VPS4A: variants seen among roughly 807,000 people sequenced by gnomAD.
The protein encoded by VPS4A is vacuolar protein sorting 4 homolog A.
Under a neutral mutation model 52.3 loss-of-function variants are expected in VPS4A, and 20 were observed. The observed-to-expected ratio is 0.38, with a 90% CI of 0.27 to 0.56. VPS4A has a LOEUF of 0.56. VPS4A is among the 20% of genes least tolerant of loss of function. The pLI is 0.72. For synonymous variants in VPS4A, 293 were observed against 227.7 expected, an observed-to-expected ratio of 1.29 and a Z score of -2.58; for missense variants, 419 against 575.9, an observed-to-expected ratio of 0.73 and a Z score of 2.79.
At position 69,316,214 on chromosome 16, in the gene VPS4A, C is replaced by T. The variant is rs1470152463; in HGVS notation, c.134-11C>T. ...AGCCTCACAGGGGCCCCTCTGTGTTCCCTTTCACAGATGAGGCCCACAGCG... is the reference window on the plus strand; with the variant it reads ...AGCCTCACAGGGGCCCCTCTGTGTTTCCTTTCACAGATGAGGCCCACAGCG... On this transcript the variant is annotated splice_polypyrimidine_tract_variant and intron_variant, in intron 2 of 10. Transcript: ENST00000254950. The T allele has an allele frequency of 7.4e-6, 12 of 1,613,216 alleles. No individual in the cohort carries two copies. Among genetic ancestry groups the T allele is most frequent in the Non-Finnish European group, 1.0e-5 (12 of 1,179,802 alleles).
rs140102412 is a variant in VPS4A, at chr16:69,315,887, C to T, written c.22-121C>T. On this transcript the variant is annotated intron_variant, in intron 1 of 10. Transcript: ENST00000254950. ...GAAAAAGTAGGCCAATGAAATGGCC[C>T]GCAAGCAATAAATCCACAGGCCCAG... The T allele has an allele frequency of 3.6e-4, 286 of 804,756 alleles. No homozygotes were observed. The African/African-American group carries it at 4.0e-3, about 11-fold the overall frequency. 49.9% of individuals were successfully genotyped at this position (804,756 alleles called of 1,614,324 possible). A position where few individuals can be genotyped will look rare whatever the true frequency, so the allele number is the denominator to read the frequency against.
rs746250461 is a variant in VPS4A, at chr16:69,316,238, C to T, written c.147C>T (p.Ser49=). 6.8e-6 allele frequency: 11 copies of T among 1,613,532 alleles called. No homozygotes were observed. Among genetic ancestry groups the T allele is most frequent in the South Asian group, 1.1e-5 (1 of 91,076 alleles). ...FLHAIKYEAH[S]DKAKESIRAK... is the part of the protein sequence containing the mutation. ...TCCCTTTCACAGATGAGGCCCACAG[C>T]GACAAGGCCAAGGAGAGCATTCGAG... Residue 49 remains serine (S), a synonymous_variant, in exon 3 of 11, where the codon AGC becomes AGT. Transcript: ENST00000254950.
In VPS4A at chr16:69,321,087, A is replaced by G; in HGVS notation, c.888A>G (p.Glu296=). The change falls in exon 9 of 11, where the codon GAA becomes GAG. Residue 296 remains glutamate (E), a synonymous_variant. Coordinates refer to ENST00000254950, the MANE Select transcript of VPS4A (RefSeq NM_013245.3). This position sits in a 1 kb window ranked among gnomAD's most constrained non-coding sequence, Gnocchi z 4.5. The part of the protein sequence containing the change: ...EKRIYIPLPE[E]AARAQMFRLH... Reference sequence around the variant, plus strand: ...GAATTTATATCCCCTTGCCGGAGGAAGCTGCCCGCGCCCAGATGTTCCGGT... The same window carrying G: ...GAATTTATATCCCCTTGCCGGAGGAGGCTGCCCGCGCCCAGATGTTCCGGT... 1.3e-6 allele frequency: 2 copies of G among 1,595,770 alleles called. No homozygotes were observed. Among genetic ancestry groups the G allele is most frequent in the South Asian group, 2.3e-5 (2 of 87,518 alleles).
chr16:69,311,966 C>T (rs1021224446), intron 1 of VPS4A, among the ~76,000 whole-genome samples: 3 of 152,246 alleles, frequency 2.0e-5, no homozygotes, highest in Non-Finnish European at 4.4e-5. Context: ...AGCCCCGGCC[C>T]CTTCCCCAAT....
rs117484572 is a variant in VPS4A at position 69,314,127 on chromosome 16, G to A, written c.22-1881G>A. 1.5e-4 allele frequency among the ~76,000 whole-genome samples: 23 copies of A among 151,346 alleles called. No individual in the cohort carries two copies. The East Asian group carries it at 3.1e-3, about 21-fold the overall frequency. On this transcript the variant is annotated intron_variant, in intron 1 of 10. Transcript: ENST00000254950. ...ACTACAGGCACGCGTCACCACACCC[G>A]GCTAACTTTTTGTATTTTTAGTAGA...
Position 69,316,215 on chromosome 16 carries a change from C to T in VPS4A, c.134-10C>T, listed in dbSNP as rs1160254501. Reference sequence around the variant, plus strand: ...GCCTCACAGGGGCCCCTCTGTGTTCCCTTTCACAGATGAGGCCCACAGCGA... The same window carrying T: ...GCCTCACAGGGGCCCCTCTGTGTTCTCTTTCACAGATGAGGCCCACAGCGA... On this transcript the variant is annotated splice_polypyrimidine_tract_variant and intron_variant, in intron 2 of 10. Transcript: ENST00000254950. The T allele has an allele frequency of 7.4e-6, 12 of 1,613,272 alleles. No individual in the cohort carries two copies. The highest frequency in any genetic ancestry group is 1.0e-5 in the Non-Finnish European group (12 of 1,179,818).
intron 5 of VPS4A, 47 bp downstream of exon 5, chr16:69,318,989 C>T: frequency 6.3e-7 from 1 of 1,597,056 alleles, no homozygotes. Flanking sequence ...TTCCAGGCTT[C>T]CGCAGGGCTG....
At position 69,324,646 on chromosome 16, in the gene VPS4A, C is replaced by G. The variant is rs1001700872; in HGVS notation, c.*337C>G. 3.8e-6 allele frequency: 1 copy of G among 263,894 alleles called. No homozygotes were observed. The highest frequency in any genetic ancestry group is 4.8e-5 in the South Asian group (1 of 20,786). 16.3% of individuals were successfully genotyped at this position (263,894 alleles called of 1,614,324 possible). ...CATCTTATTTATAAAGATAAAATCA[C>G]CTGGAAGTGTCAAGGAGTGGGGCGG... On this transcript the variant is annotated 3_prime_UTR_variant, in exon 11 of 11. Coordinates refer to ENST00000254950, the MANE Select transcript of VPS4A (RefSeq NM_013245.3).
At position 69,319,419 on chromosome 16, in the gene VPS4A, T is replaced by C; in HGVS notation, c.496T>C (p.Phe166Leu). The C allele has an allele frequency of 6.2e-7, 1 of 1,614,036 alleles. No individual in the cohort carries two copies. Among genetic ancestry groups the C allele is most frequent in the Non-Finnish European group, 8.5e-7 (1 of 1,179,890 alleles). ...KRTPWRGILL[F>L]GPPGTGKSYL... is the part of the protein sequence containing the mutation. ...CACCCCCTGGCGGGGGATTCTGCTGTTCGGACCCCCTGGCACAGGGAAATC... is the reference window on the plus strand; with the variant it reads ...CACCCCCTGGCGGGGGATTCTGCTGCTCGGACCCCCTGGCACAGGGAAATC... Residue 166 changes from phenylalanine (F) to leucine (L), a missense_variant, in exon 6 of 11, where the codon TTC becomes CTC. By Grantham distance (22) the Phe-to-Leu change is conservative (BLOSUM62 0). Around this residue, in one of 3 missense-constraint regions of VPS4A, gnomAD observed 103 missense variants for 210.3 expected, o/e 0.49. Coordinates refer to ENST00000254950, the MANE Select transcript of VPS4A (RefSeq NM_013245.3).
chr16:69,315,886 C>G, intron 1 of VPS4A, 122 bp from the exon 2 acceptor site: 1 of 795,526 alleles, frequency 1.3e-6, no homozygotes, highest in Non-Finnish European at 2.0e-6. Context: ...ATGAAATGGC[C>G]CGCAAGCAAT....
rs1459619632 is a variant in VPS4A at position 69,315,091 on chromosome 16, G to A, written c.22-917G>A. ...TGCACTAAAAATACAAAAATTAGCC[G>A]GATGTAGTGGTGGGCATCTATCACT... On this transcript the variant is annotated intron_variant, in intron 1 of 10. Coordinates refer to ENST00000254950, the MANE Select transcript of VPS4A (RefSeq NM_013245.3). Among the ~76,000 whole-genome samples, 7 of 152,122 alleles carry A rather than the reference G, an allele frequency of 4.6e-5. No individual in the cohort carries two copies. The East Asian group carries it at 7.7e-4, about 17-fold the overall frequency.
chr16:69,311,454 G>A lies in VPS4A; in HGVS notation c.-58G>A. On this transcript the variant is annotated 5_prime_UTR_variant, in exon 1 of 11. Transcript: ENST00000254950. ...CCGGACCCAGTACCTCGGCTCCCCG[G>A]GGCCGGACCGAGGCCGCAAGCAGCG... 1.6e-6 allele frequency: 2 copies of A among 1,265,084 alleles called. No homozygotes were observed. The highest frequency in any genetic ancestry group is 2.0e-6 in the Non-Finnish European group (2 of 995,986). The allele number at this position is 1,265,084 out of a possible 1,614,324, so 78.4% of individuals were successfully genotyped here. A position where few individuals can be genotyped will look rare whatever the true frequency, so the allele number is the denominator to read the frequency against.
Position 69,326,837 on chromosome 16 carries a change from G to A in VPS4A, c.*2528G>A, listed in dbSNP as rs1012402131. The A allele has an allele frequency of 3.3e-5, 5 of 152,174 alleles. No homozygotes were observed. Among genetic ancestry groups the A allele is most frequent in the Non-Finnish European group, 5.9e-5 (4 of 68,030 alleles). The allele number at this position is 152,174 out of a possible 1,614,324, so 9.4% of individuals were successfully genotyped here. ...GGAAGTTGATTTCTAAAACTCTGAT[G>A]AGCTCACAACGTTGACATGTATATG... On this transcript the variant is annotated 3_prime_UTR_variant, in exon 11 of 11. Coordinates refer to ENST00000254950, the MANE Select transcript of VPS4A (RefSeq NM_013245.3).
At position 69,320,047 on chromosome 16, in the gene VPS4A, T is replaced by TC; in HGVS notation, c.621-91dup. The stretch of plus-strand genomic sequence containing the variant: ...TTCCGGCATGACCGTGGCCTGCGCC[T>TC]CCCTGTGGGAAGGGTGAGAAGAGGG... On this transcript the variant is annotated intron_variant, in intron 6 of 10. Coordinates refer to ENST00000254950, the MANE Select transcript of VPS4A (RefSeq NM_013245.3). This position sits in a 1 kb window ranked among gnomAD's most constrained non-coding sequence, Gnocchi z 4.2. The TC allele has an allele frequency of 6.8e-7, 1 of 1,478,238 alleles. No homozygotes were observed. Among genetic ancestry groups the TC allele is most frequent in the Non-Finnish European group, 9.1e-7 (1 of 1,100,314 alleles). The allele number at this position is 1,478,238 out of a possible 1,614,324, so 91.6% of individuals were successfully genotyped here. A position where few individuals can be genotyped will look rare whatever the true frequency, so the allele number is the denominator to read the frequency against.
rs770600511 is a variant in VPS4A at position 69,318,837 on chromosome 16, G to C, written c.358G>C (p.Glu120Gln). The part of the protein sequence containing the change: ...QEQLMGAVVM[E>Q]KPNIRWNDVA... ...CCCTCTCGCAGGTGCCGTCGTGATGGAGAAGCCCAACATACGGTGGAACGA... is the reference window on the plus strand; with the variant it reads ...CCCTCTCGCAGGTGCCGTCGTGATGCAGAAGCCCAACATACGGTGGAACGA... Residue 120 changes from glutamate to glutamine, a missense_variant, in exon 5 of 11, where the codon GAG becomes CAG. This residue lies in a region of VPS4A where 131 missense variants were observed against 165.4 expected (regional missense o/e 0.79). Coordinates refer to ENST00000254950, the MANE Select transcript of VPS4A (RefSeq NM_013245.3). 2 of 1,613,462 alleles carry C rather than the reference G, an allele frequency of 1.2e-6. No homozygotes were observed. Among genetic ancestry groups the C allele is most frequent in the Non-Finnish European group, 1.7e-6 (2 of 1,179,666 alleles).
chr16:69,312,365 A>G (rs1367341468), intron 1 of VPS4A, among the ~76,000 whole-genome samples: 1 of 152,174 alleles, frequency 6.6e-6, no homozygotes, highest in Non-Finnish European at 1.5e-5. Flanking sequence ...GTTAGGCAAG[A>G]CTTCATGGAA....
In VPS4A at chr16:69,320,912, G is replaced by T; in HGVS notation, c.852-139G>T. The T allele has an allele frequency of 8.1e-7, 1 of 1,236,210 alleles. No individual in the cohort carries two copies. 76.6% of individuals were successfully genotyped at this position (1,236,210 alleles called of 1,614,324 possible). The stretch of plus-strand genomic sequence containing the variant: ...GCCTGCCAAGCAGAGCCCTTTGTGA[G>T]GCTGGCTTGTTGAGGATGTGCCGCC... On this transcript the variant is annotated intron_variant, in intron 8 of 10. Coordinates refer to ENST00000254950, the MANE Select transcript of VPS4A (RefSeq NM_013245.3). This position sits in a 1 kb window ranked among gnomAD's most constrained non-coding sequence, Gnocchi z 4.2.
chr16:69,316,405 G>A (rs1167869500), intron 3 of VPS4A, 33 bp downstream of exon 3: 1 of 1,610,064 alleles, frequency 6.2e-7, no homozygotes, highest in Non-Finnish European at 8.5e-7. Flanking sequence ...CAGGAACCTG[G>A]GCCCTCCTCA....
rs1034128863 is a variant in VPS4A, at chr16:69,324,669, C to T, written c.*360C>T. The T allele has an allele frequency of 1.4e-5, 3 of 218,894 alleles. No individual in the cohort carries two copies. Among genetic ancestry groups the T allele is most frequent in the African/African-American group, 2.2e-5 (1 of 44,584 alleles). The allele number at this position is 218,894 out of a possible 1,614,324, so 13.6% of individuals were successfully genotyped here. A position where few individuals can be genotyped will look rare whatever the true frequency, so the allele number is the denominator to read the frequency against. Reference sequence around the variant, plus strand: ...CACCTGGAAGTGTCAAGGAGTGGGGCGGGGTGGCGGGGGAGAAGCAGCCGT... The same window carrying T: ...CACCTGGAAGTGTCAAGGAGTGGGGTGGGGTGGCGGGGGAGAAGCAGCCGT... On this transcript the variant is annotated 3_prime_UTR_variant, in exon 11 of 11. Coordinates refer to ENST00000254950, the MANE Select transcript of VPS4A (RefSeq NM_013245.3).
Sources: gnomAD v4.1 joint callset for allele counts (sites outside exome capture counted in the v4.1 genomes callset) on GRCh38, gnomAD v4.1.1 for gene constraint, gnomAD v4.1.1 regional missense constraint, Gnocchi (gnomAD v3.1) non-coding constraint, MANE v1.5 for transcripts, NCBI Gene and HGNC (gene_info 2026-07-23, HGNC 2026-07-21) for gene names.